GALNT17: variants seen among roughly 807,000 people sequenced by gnomAD.
GALNT17 encodes polypeptide N-acetylgalactosaminyltransferase 17, also known as UDP-GalNAc:polypeptide N-acetylgalactosaminyltransferase-like 3.
In GALNT17, 29 loss-of-function variants were observed where a neutral mutation model predicts 63.7. The observed-to-expected ratio is 0.46, with a 90% confidence interval of 0.34 to 0.62. The LOEUF (loss-of-function observed/expected upper bound fraction) is 0.62. Ranked by LOEUF, GALNT17 falls within the 20% of genes least tolerant of loss-of-function variation. The probability of loss-of-function intolerance (pLI) is 0.01; values close to 1 mark genes in which losing one functional copy is unlikely to be tolerated. For missense variants in GALNT17, 603 were observed against 799.6 expected (o/e 0.75, Z 2.97); for synonymous variants, 305 against 318.3 (o/e 0.96, Z 0.45).
At chr7:71,394,498 A>G (rs1301752282) in intron 3 of GALNT17, among the ~76,000 whole-genome samples, 1 of 152,020 alleles carries the variant, frequency 6.6e-6, no homozygotes, top group African/African-American at 2.4e-5. Flanking sequence ...GCTCCACTTT[A>G]TGTGTTCTGA....
At chr7:71,404,419 A>G (rs1371297585) in intron 3 of GALNT17, among the ~76,000 whole-genome samples, 2 of 152,226 alleles carry the variant, frequency 1.3e-5, no homozygotes, top group East Asian at 3.8e-4. Context: ...ATACACAGCA[A>G]AAGCTTCCCT....
At chr7:71,357,087 G>A (rs1453032819) in intron 2 of GALNT17, among the ~76,000 whole-genome samples, 2 of 152,098 alleles carry the variant, frequency 1.3e-5, no homozygotes, top group Non-Finnish European at 2.9e-5. Context: ...TGCCTGGCCA[G>A]TGGGAGTGTT....
At chr7:71,264,608 A>C (rs1790453520) in intron 1 of GALNT17, among the ~76,000 whole-genome samples, 2 of 152,176 alleles carry the variant, frequency 1.3e-5, no homozygotes, top group African/African-American at 4.8e-5. Context: ...TGGATAAAGA[A>C]AATGTGGTGT....
intron 5 of GALNT17, among the ~76,000 whole-genome samples, chr7:71,448,517 G>T (rs578179103): frequency 2.0e-5 from 3 of 151,744 alleles, no homozygotes. Flanking sequence ...TCTTAACTTT[G>T]TTTTTCTAAA....
chr7:71,575,571 G>T (rs999942018), intron 6 of GALNT17, among the ~76,000 whole-genome samples: 1 of 151,900 alleles, frequency 6.6e-6, no homozygotes, highest in African/African-American at 2.4e-5. Context: ...TGTACTTTTA[G>T]TAGAGACAGG....
intron 1 of GALNT17, among the ~76,000 whole-genome samples, chr7:71,155,777 A>C (rs1788223964): frequency 6.6e-6 from 1 of 151,862 alleles, no homozygotes; most frequent in African/African-American, 2.4e-5. Flanking sequence ...GATTTAAATA[A>C]GTACTGCAGA....
intron 1 of GALNT17, among the ~76,000 whole-genome samples, chr7:71,149,960 G>A (rs1225767775): frequency 6.6e-6 from 1 of 152,134 alleles, no homozygotes; most frequent in African/African-American, 2.4e-5. Flanking sequence ...TCCAGCTGAG[G>A]TCCCAGGCCC....
At chr7:71,246,115 G>GT (rs61447370) in intron 1 of GALNT17, among the ~76,000 whole-genome samples, 4,957 of 91,610 alleles carry the variant, frequency 0.054, 321 homozygotes, top group African/African-American at 0.1. Flanking sequence ...TTTTTTCGTT[G>GT]TTTTTTTTTT....
intron 5 of GALNT17, among the ~76,000 whole-genome samples, chr7:71,499,362 A>C (rs1189652616): frequency 2.6e-5 from 4 of 152,160 alleles, no homozygotes; most frequent in Non-Finnish European, 5.9e-5. Flanking sequence ...GGAGTTCCAG[A>C]CCAGCCTGGG....
At chr7:71,365,931 T>C (rs1393531176) in intron 2 of GALNT17, among the ~76,000 whole-genome samples, 1 of 152,132 alleles carries the variant, frequency 6.6e-6, no homozygotes, top group Non-Finnish European at 1.5e-5. Context: ...TGTAGAATCA[T>C]GGGGAGCCCT....
intron 5 of GALNT17, among the ~76,000 whole-genome samples, chr7:71,499,877 G>A (rs1788153190): frequency 6.6e-6 from 1 of 152,080 alleles, no homozygotes. Context: ...CATGGGGGTG[G>A]TTACCCCCAT....
At chr7:71,174,008 A>C (rs1788591164) in intron 1 of GALNT17, among the ~76,000 whole-genome samples, 1 of 152,090 alleles carries the variant, frequency 6.6e-6, no homozygotes, top group Admixed American at 6.5e-5. Context: ...GTCTGAACCA[A>C]CTTCTTCTGT....
In GALNT17 at chr7:71,179,775, G is replaced by T. The variant is rs114370865; in HGVS notation, c.238+46735G>T. 4.5e-3 allele frequency among the ~76,000 whole-genome samples: 679 copies of T among 152,206 alleles called. 9 individuals carry two copies. The highest frequency in any genetic ancestry group is 0.015 in the African/African-American group (641 of 41,530). On this transcript the variant is annotated intron_variant, in intron 1 of 10. Coordinates refer to ENST00000333538, the MANE Select transcript of GALNT17 (RefSeq NM_022479.3). The stretch of plus-strand genomic sequence containing the variant: ...AGCCAGTTACAGTTCTGGATCTCAG[G>T]CAAAAGACTGCTACACACTCAGAAA...
At chr7:71,209,685 A>G (rs1175438072) in intron 1 of GALNT17, among the ~76,000 whole-genome samples, 5 of 151,796 alleles carry the variant, frequency 3.3e-5, no homozygotes, top group African/African-American at 1.2e-4. Flanking sequence ...TTGTAGAGTC[A>G]GCGTTTTGCC....
chr7:71,401,330 CAG>C (rs1793236627), intron 3 of GALNT17, among the ~76,000 whole-genome samples: 1 of 152,138 alleles, frequency 6.6e-6, no homozygotes, highest in African/African-American at 2.4e-5. Context: ...CTTCTGACCT[CAG>C]ATGATCTGCC....
At chr7:71,144,306 A>C (rs1429309130) in intron 1 of GALNT17, among the ~76,000 whole-genome samples, 1 of 152,000 alleles carries the variant, frequency 6.6e-6, no homozygotes, top group African/African-American at 2.4e-5. Flanking sequence ...CCGAGGGTGG[A>C]TGAGCTTATT....
In GALNT17 at chr7:71,280,012, A is replaced by G. The variant is rs373952717; in HGVS notation, c.239-55538A>G. Among the ~76,000 whole-genome samples, 28 of 152,114 alleles carry G rather than the reference A, an allele frequency of 1.8e-4. No individual in the cohort carries two copies. In the East Asian group the frequency reaches 3.1e-3, roughly 17 times the overall value. On this transcript the variant is annotated intron_variant, in intron 1 of 10. Coordinates refer to ENST00000333538, the MANE Select transcript of GALNT17 (RefSeq NM_022479.3). ...CATATTTTCTCTTTTTGTTTTCCCAATATATCTTGGGGCATCTTTTAATTT... is the reference window on the plus strand; with the variant it reads ...CATATTTTCTCTTTTTGTTTTCCCAGTATATCTTGGGGCATCTTTTAATTT...
At chr7:71,621,017 G>T (rs74535282) in intron 6 of GALNT17, among the ~76,000 whole-genome samples, 3,571 of 152,226 alleles carry the variant, frequency 0.023, 148 homozygotes, top group African/African-American at 0.081. Flanking sequence ...ACAGGATATG[G>T]GTCTGAGATT....
Position 71,711,982 on chromosome 7 carries a change from C to G in GALNT17, c.1669-36C>G, listed in dbSNP as rs776459070. The G allele has an allele frequency of 6.2e-6, 10 of 1,610,914 alleles. No individual in the cohort carries two copies. In the African/African-American group the frequency reaches 8.0e-5, roughly 13 times the overall value. On this transcript the variant is annotated intron_variant, in intron 10 of 10. Transcript: ENST00000333538. The stretch of plus-strand genomic sequence containing the variant: ...CTCTCGCTGTCTCTCTCTCCTCTCT[C>G]TCTTCTCCTCTCTTCTCGATTTTGC...
Sources: allele counts gnomAD v4.1 joint callset (sites outside exome capture counted in the v4.1 genomes callset), GRCh38; gene constraint gnomAD v4.1.1; transcripts MANE v1.5; gene names NCBI Gene and HGNC (gene_info 2026-07-23, HGNC 2026-07-21).